The following IFT43 variants were observed in gnomAD, a reference collection of about 807,000 sequenced individuals.
The protein encoded by IFT43 is intraflagellar transport protein 43 homolog.
In IFT43, 33 loss-of-function variants were observed where a neutral mutation model predicts 32.3. The ratio of observed to expected loss-of-function variants is 1.02; its 90% CI spans 0.77 to 1.37. The LOEUF is 1.37. Among genes scored for constraint, IFT43 ranks in the 40% most tolerant of loss-of-function variants. IFT43 has a pLI of 0.00. For missense variants in IFT43, 274 were observed against 265.9 expected (o/e 1.03, Z -0.21); for synonymous variants, 93 against 98.2 (o/e 0.95, Z 0.31).
chr14:76,041,751 T>C lies in IFT43; in HGVS notation c.216-16891T>C, dbSNP rs2360668. ...ATACGTGTATGTACAAAAGTCTGTG[T>C]TTTTTTTTTATGTAAACAGATCACA... is the stretch of plus-strand genomic sequence containing the variant. On this transcript the variant is annotated intron_variant, in intron 3 of 8. Transcript: ENST00000314067. 6.9e-4 allele frequency among the ~76,000 whole-genome samples: 3 copies of C among 4,326 alleles called. No homozygotes were observed. The South Asian group carries it at 0.018, about 26-fold the overall frequency. 2.8% of individuals were successfully genotyped at this position (4,326 alleles called of 152,430 possible). A position where few individuals can be genotyped will look rare whatever the true frequency, so the allele number is the denominator to read the frequency against.
intron 2 of IFT43, among the ~76,000 whole-genome samples, chr14:76,019,349 G>A (rs1267794845): frequency 1.3e-5 from 2 of 150,640 alleles, no homozygotes; most frequent in African/African-American, 4.9e-5. Flanking sequence ...TTGAATAATA[G>A]CTTTGCTGGG....
At chr14:76,052,858 C>CA (rs1364478449) in intron 3 of IFT43, among the ~76,000 whole-genome samples, 4 of 152,194 alleles carry the variant, frequency 2.6e-5, no homozygotes, top group African/African-American at 9.7e-5. Flanking sequence ...TCAGGACTGA[C>CA]AAAGCTACAG....
chr14:76,054,328 A>G (rs1010584287), intron 3 of IFT43, among the ~76,000 whole-genome samples: 2 of 152,224 alleles, frequency 1.3e-5, no homozygotes, highest in African/African-American at 4.8e-5. Flanking sequence ...TCAAGAAGGG[A>G]CCGTCTACAC....
intron 2 of IFT43, among the ~76,000 whole-genome samples, chr14:76,000,879 A>G (rs1227286697): frequency 1.3e-5 from 2 of 152,210 alleles, no homozygotes; most frequent in African/African-American, 4.8e-5. Flanking sequence ...AGAAAGGATA[A>G]TTATTTCAAT....
chr14:76,008,264 C>T (rs916113149), intron 2 of IFT43, among the ~76,000 whole-genome samples: 3 of 152,126 alleles, frequency 2.0e-5, no homozygotes, highest in Non-Finnish European at 4.4e-5. Flanking sequence ...ATGTGCAAGG[C>T]CTCCCCCAAG....
chr14:76,054,195 A>ATT (rs954413122), intron 3 of IFT43, among the ~76,000 whole-genome samples: 1 of 152,178 alleles, frequency 6.6e-6, no homozygotes, highest in African/African-American at 2.4e-5. Flanking sequence ...GCCCATGTAC[A>ATT]TTGAAAAAGC....
chr14:76,059,123 C>T (rs776107294), intron 4 of IFT43: 1 of 1,483,470 alleles, frequency 6.7e-7, no homozygotes, highest in Non-Finnish European at 8.9e-7. Context: ...TGATGCTGTC[C>T]TCTGGAATAG....
chr14:75,991,385 AAG>A (rs1491206569), intron 2 of IFT43, among the ~76,000 whole-genome samples: 7 of 112,042 alleles, frequency 6.2e-5, no homozygotes, highest in Non-Finnish European at 1.2e-4. Flanking sequence ...AAATATTAAC[AAG>A]AGTGTGTGTG....
At chr14:76,032,522 T>C (rs1251837797) in intron 3 of IFT43, among the ~76,000 whole-genome samples, 1 of 152,230 alleles carries the variant, frequency 6.6e-6, no homozygotes. Flanking sequence ...CTGCTTTATT[T>C]ACTGCCACCT....
intron 1 of IFT43, 96 bp from the exon 2 acceptor site, chr14:75,988,789 A>G: frequency 6.3e-7 from 1 of 1,594,958 alleles, no homozygotes; most frequent in Non-Finnish European, 8.5e-7. Flanking sequence ...AAGTGCTGGG[A>G]TTGCAGCTGT....
intron 5 of IFT43, among the ~76,000 whole-genome samples, chr14:76,073,980 C>T (rs2037369226): frequency 6.6e-6 from 1 of 152,120 alleles, no homozygotes; most frequent in Non-Finnish European, 1.5e-5. Flanking sequence ...CAGCAGTGGC[C>T]TTGTGCAGAG....
intron 5 of IFT43, among the ~76,000 whole-genome samples, chr14:76,064,722 G>A (rs897281727): frequency 2.0e-5 from 3 of 152,158 alleles, no homozygotes; most frequent in South Asian, 4.1e-4. Flanking sequence ...AGAGACTTGC[G>A]TTTTAAGTAA....
chr14:76,027,098 G>A (rs1011754308), intron 3 of IFT43, among the ~76,000 whole-genome samples: 15 of 152,160 alleles, frequency 9.9e-5, no homozygotes, highest in African/African-American at 3.4e-4. Context: ...GAGGGTGGGA[G>A]GTCGGAAAGG....
chr14:76,052,551 A>G (rs1228090348), intron 3 of IFT43, among the ~76,000 whole-genome samples: 1 of 152,186 alleles, frequency 6.6e-6, no homozygotes, highest in Non-Finnish European at 1.5e-5. Flanking sequence ...AGGCAGGAAT[A>G]AAACTATGAG....
At position 76,058,627 on chromosome 14, in the gene IFT43, CTTTTTTTTT is replaced by C; in HGVS notation, c.216-12_216-4del. 1 of 1,425,384 alleles carries C rather than the reference CTTTTTTTTT, an allele frequency of 7.0e-7. No individual in the cohort carries two copies. The highest frequency in any genetic ancestry group is 1.2e-5 in the South Asian group (1 of 81,822). The allele number at this position is 1,425,384 out of a possible 1,614,324, so 88.3% of individuals were successfully genotyped here. On this transcript the variant is annotated splice_polypyrimidine_tract_variant and splice_region_variant and intron_variant, in intron 3 of 8. Coordinates refer to ENST00000314067, the MANE Select transcript of IFT43 (RefSeq NM_001102564.3). ...TGGGCTCTCAAAAACCTTGTCTTTT[CTTTTTTTTT>C]TTCAGGTTTAGGAGGAAGGCTTCTG...
intron 2 of IFT43, among the ~76,000 whole-genome samples, chr14:75,999,265 ATATATATGTATATATATTTTTTTT>A (rs2035829007): frequency 1.3e-4 from 3 of 23,748 alleles, no homozygotes; most frequent in African/African-American, 8.0e-4. Context: ...ATATATATAT[ATATATATGTATATATATTTTTTTT>A]TTTTTTTTTT....
intron 2 of IFT43, among the ~76,000 whole-genome samples, chr14:76,000,420 A>G (rs1316520218): frequency 1.3e-5 from 2 of 149,120 alleles, no homozygotes; most frequent in African/African-American, 5.0e-5. Flanking sequence ...GCCTGCCACC[A>G]CGCCAGGCTA....
chr14:76,074,673 G>A lies in IFT43; in HGVS notation c.296-7622G>A, dbSNP rs554508718. Among the ~76,000 whole-genome samples the A allele has an allele frequency of 6.2e-4, 95 of 152,290 alleles. 1 individual carries two copies. Among genetic ancestry groups the A allele is most frequent in the Admixed American group, 2.5e-3 (38 of 15,302 alleles). ...GATGACAGGAACATTGCTGTCTAGG[G>A]GATGACATTCGTGGCTCCTTCAGAA... is the stretch of plus-strand genomic sequence containing the variant. On this transcript the variant is annotated intron_variant, in intron 5 of 8. Coordinates refer to ENST00000314067, the MANE Select transcript of IFT43 (RefSeq NM_001102564.3).
chr14:76,083,817 A>G, downstream of IFT43: 1 of 657,002 alleles, frequency 1.5e-6, no homozygotes, highest in Non-Finnish European at 2.8e-6. Flanking sequence ...AAACCAGCTG[A>G]TAGGAACTCA....
Sources: allele counts gnomAD v4.1 joint callset (sites outside exome capture counted in the v4.1 genomes callset), GRCh38; gene constraint gnomAD v4.1.1; transcripts MANE v1.5; gene names NCBI Gene and HGNC (gene_info 2026-07-23, HGNC 2026-07-21).